The following MYO9A variants were observed in gnomAD, a reference collection of about 807,000 sequenced individuals.
MYO9A encodes unconventional myosin-IXa.
A neutral mutation model predicts 293.3 loss-of-function variants in MYO9A; 103 were observed. The ratio of observed to expected loss-of-function variants is 0.35; its 90% CI spans 0.30 to 0.41. The LOEUF is 0.41. MYO9A is among the 10% of genes least tolerant of loss of function. The pLI, the probability that MYO9A is intolerant of heterozygous loss-of-function variation, is 1.00. For missense variants in MYO9A, 2,685 were observed against 3,033.0 expected (o/e 0.89, Z 2.69); for synonymous variants, 1,001 against 1,035.7 (o/e 0.97, Z 0.64).
chr15:71,854,684 T>A, intron 34 of MYO9A, 115 bp from the exon 35 acceptor site: 1 of 752,274 alleles, frequency 1.3e-6, no homozygotes, highest in Non-Finnish European at 2.0e-6. Context: ...TGAGCATAGT[T>A]AGAAGAGTTG....
intron 32 of MYO9A, among the ~76,000 whole-genome samples, chr15:71,869,581 T>A (rs2056443743): frequency 6.6e-6 from 1 of 152,142 alleles, no homozygotes; most frequent in Admixed American, 6.5e-5. Flanking sequence ...TCTAAATAAA[T>A]CTGGGTTAAG....
intron 1 of MYO9A, among the ~76,000 whole-genome samples, chr15:72,103,307 GAAGCAGCAGC>G (rs1463690927): frequency 7.2e-6 from 1 of 139,754 alleles, no homozygotes; most frequent in Non-Finnish European, 1.6e-5. Context: ...AGCAGAAGCA[GAAGCAGCAGC>G]AAGCAGCAGC....
At chr15:72,043,750 A>G (rs745992268) in intron 2 of MYO9A, among the ~76,000 whole-genome samples, 4 of 152,110 alleles carry the variant, frequency 2.6e-5, no homozygotes, top group Admixed American at 6.6e-5. Context: ...GGGATAATGG[A>G]TATGTTCTTG....
chr15:72,063,907 G>A (rs1255160049), intron 1 of MYO9A, among the ~76,000 whole-genome samples: 1 of 152,094 alleles, frequency 6.6e-6, no homozygotes, highest in East Asian at 1.9e-4. Context: ...CAACCTAACT[G>A]TCCATCAACA....
chr15:71,895,178 G>T (rs3784313), intron 25 of MYO9A, among the ~76,000 whole-genome samples: 99,597 of 151,996 alleles, frequency 0.66, 33,483 homozygotes, highest in Middle Eastern at 0.74. Context: ...AGCAATCCTA[G>T]CTTGTTCTAA....
At chr15:71,958,687 A>G (rs2059258394) in intron 14 of MYO9A, 1 of 152,152 alleles carries the variant, frequency 6.6e-6, no homozygotes, top group Non-Finnish European at 1.5e-5. Flanking sequence ...TTGAATACAA[A>G]TTTTCAAAAA....
intron 1 of MYO9A, among the ~76,000 whole-genome samples, chr15:72,070,644 C>T (rs533135490): frequency 9.2e-5 from 14 of 151,892 alleles, no homozygotes; most frequent in South Asian, 2.1e-4. Context: ...GAACCAAAAC[C>T]GCGCCACTGC....
rs192680798 is a variant in MYO9A, at chr15:71,831,985, G to C, written c.6838-1674C>G. On this transcript the variant is annotated intron_variant, in intron 39 of 41. Transcript: ENST00000356056. Reference sequence around the variant, plus strand: ...AGAATGGAAAAATTCACAAAAGAAAGTAAAAGAATGGCTGGGCACCGTGGC... The same window carrying C: ...AGAATGGAAAAATTCACAAAAGAAACTAAAAGAATGGCTGGGCACCGTGGC... Among the ~76,000 whole-genome samples the C allele has an allele frequency of 1.4e-4, 21 of 152,252 alleles. No individual in the cohort carries two copies. The East Asian group carries it at 4.1e-3, about 29-fold the overall frequency.
intron 14 of MYO9A, among the ~76,000 whole-genome samples, chr15:71,956,350 T>TATATATATATATATATATATATATAAAA (rs1475961500): frequency 1.7e-5 from 2 of 121,178 alleles, no homozygotes; most frequent in African/African-American, 6.6e-5. Context: ...TATATATATA[T>TATATATATATATATATATATATATAAAA]AAAATACGCC....
intron 15 of MYO9A, among the ~76,000 whole-genome samples, chr15:71,941,308 A>G (rs2058767948): frequency 6.6e-6 from 1 of 152,076 alleles, no homozygotes; most frequent in South Asian, 2.1e-4. Context: ...GGTGGCACAC[A>G]CTTGTAATCC....
chr15:71,842,929 G>A (rs2055224261), intron 39 of MYO9A, among the ~76,000 whole-genome samples: 1 of 151,500 alleles, frequency 6.6e-6, no homozygotes, highest in Admixed American at 6.6e-5. Context: ...GTGTGTGTGT[G>A]TATGGGGCGG....
At chr15:72,100,786 A>T (rs2080257901) in intron 1 of MYO9A, among the ~76,000 whole-genome samples, 1 of 148,876 alleles carries the variant, frequency 6.7e-6, no homozygotes, top group Non-Finnish European at 1.5e-5. Flanking sequence ...CTGAGAAATG[A>T]GGAGCCTCTC....
intron 23 of MYO9A, among the ~76,000 whole-genome samples, chr15:71,900,903 A>G (rs2057464164): frequency 6.6e-6 from 1 of 152,228 alleles, no homozygotes; most frequent in Non-Finnish European, 1.5e-5. Flanking sequence ...AAAAACAACT[A>G]TGTCAACAAA....
rs1567171376 is a variant in MYO9A at position 71,826,629 on chromosome 15, G to C, written c.7598C>G (p.Thr2533Ser). 1.9e-6 allele frequency: 3 copies of C among 1,611,104 alleles called. No homozygotes were observed. The highest frequency in any genetic ancestry group is 2.5e-6 in the Non-Finnish European group (3 of 1,179,322). Residue 2533 changes from threonine (T) to serine (S), a missense_variant, in exon 42 of 42, where the codon ACC becomes AGC. By Grantham distance (58) the Thr-to-Ser change is moderately conservative. Transcript: ENST00000356056. The part of the protein sequence containing the change: ...GRRKTVDPDC[T>S]SNQQLALFGN... ...AAAGAGTGCTAGCTGTTGGTTGGAG[G>C]TGCAGTCTGGGTCCACAGTTTTTCT...
intron 27 of MYO9A, 62 bp from the exon 28 acceptor site, chr15:71,883,798 A>T (rs2056944864): frequency 2.1e-6 from 3 of 1,405,126 alleles, no homozygotes; most frequent in Non-Finnish European, 2.9e-6. Context: ...ATATTTGTAT[A>T]TATCACTTTA....
chr15:72,021,965 T>C (rs1352107206), intron 4 of MYO9A, among the ~76,000 whole-genome samples: 2 of 152,162 alleles, frequency 1.3e-5, no homozygotes, highest in Non-Finnish European at 2.9e-5. Flanking sequence ...TGGAACAATA[T>C]ACATAGAGAG....
chr15:71,876,368 C>T (rs1163832972), intron 31 of MYO9A, among the ~76,000 whole-genome samples: 1 of 151,174 alleles, frequency 6.6e-6, no homozygotes. Flanking sequence ...ATGATCCACC[C>T]GCCTCGGCCT....
At chr15:71,830,033 A>G in intron 40 of MYO9A, 76 bp downstream of exon 40, 2 of 1,441,988 alleles carry the variant, frequency 1.4e-6, no homozygotes, top group Non-Finnish European at 1.9e-6. Flanking sequence ...ATAAATAAGA[A>G]AAAATAAAGA....
At chr15:71,977,089 T>C (rs2076163235) in intron 12 of MYO9A, among the ~76,000 whole-genome samples, 1 of 152,222 alleles carries the variant, frequency 6.6e-6, no homozygotes, top group Admixed American at 6.5e-5. Context: ...TGAAGAATGC[T>C]ACATAAAGCA....
Sources: gnomAD v4.1 joint callset for allele counts (sites outside exome capture counted in the v4.1 genomes callset) on GRCh38, gnomAD v4.1.1 for gene constraint, MANE v1.5 for transcripts, NCBI Gene and HGNC (gene_info 2026-07-23, HGNC 2026-07-21) for gene names.